Variants in SCFD2 observed in about 807,000 individuals in gnomAD.
The protein encoded by SCFD2 is sec1 family domain containing 2.
Under a neutral mutation model 58.9 loss-of-function variants are expected in SCFD2, and 54 were observed. That is an observed-to-expected ratio of 0.92 (90% CI 0.74 to 1.15). The LOEUF is 1.15. Ranked by LOEUF, SCFD2 falls within the 50% of genes most tolerant of loss-of-function variation. SCFD2 has a pLI of 0.00. For missense variants in SCFD2, 805 were observed against 836.6 expected (o/e 0.96, Z 0.47); for synonymous variants, 321 against 335.9 (o/e 0.96, Z 0.49).
In SCFD2 at chr4:53,077,858, G is replaced by A. The variant is rs112679384; in HGVS notation, c.1561+67475C>T. On this transcript the variant is annotated intron_variant, in intron 5 of 8. Transcript: ENST00000401642. ...TAACTTGCAGTAGATCACATAAGCT[G>A]TTGCTATTAGTTTACTGGATTTTAT... Among the ~76,000 whole-genome samples, 242 of 152,262 alleles carry A rather than the reference G, an allele frequency of 1.6e-3. 2 individuals are homozygous for A. Among genetic ancestry groups the A allele is most frequent in the African/African-American group, 5.4e-3 (225 of 41,542 alleles).
At chr4:52,878,107 C>T (rs769098190) in intron 8 of SCFD2, among the ~76,000 whole-genome samples, 1 of 152,198 alleles carries the variant, frequency 6.6e-6, no homozygotes, top group Non-Finnish European at 1.5e-5. Flanking sequence ...CCACCCCTCC[C>T]GCAAGCCTGA....
chr4:53,302,466 G>A (rs1732346032), intron 3 of SCFD2, among the ~76,000 whole-genome samples: 3 of 152,138 alleles, frequency 2.0e-5, no homozygotes, highest in Non-Finnish European at 2.9e-5. Context: ...CAAACAAATG[G>A]AAGAACATTC....
chr4:53,103,889 ATATGAGCT>A, intron 5 of SCFD2, among the ~76,000 whole-genome samples: 2 of 142,362 alleles, frequency 1.4e-5, no homozygotes, highest in African/African-American at 2.7e-5. Flanking sequence ...AGCTGGAACA[ATATGAGCT>A]AAAAAAAAAA....
chr4:52,909,134 T>C (rs1156739733), intron 6 of SCFD2, among the ~76,000 whole-genome samples: 1 of 152,218 alleles, frequency 6.6e-6, no homozygotes, highest in Non-Finnish European at 1.5e-5. Flanking sequence ...TTACCATCAA[T>C]GCAGAGAGCA....
intron 3 of SCFD2, among the ~76,000 whole-genome samples, chr4:53,302,590 GAAA>G (rs1732351744): frequency 6.6e-6 from 1 of 151,778 alleles, no homozygotes; most frequent in African/African-American, 2.4e-5. Context: ...CACAGAATTG[GAAA>G]AAACTACTTT....
chr4:52,964,543 T>C (rs1428552035), intron 5 of SCFD2, among the ~76,000 whole-genome samples: 1 of 152,096 alleles, frequency 6.6e-6, no homozygotes, highest in East Asian at 1.9e-4. Flanking sequence ...ATTCTAGGAG[T>C]TGCAGGCTAA....
chr4:53,088,818 T>C (rs993616123), intron 5 of SCFD2, among the ~76,000 whole-genome samples: 1 of 151,974 alleles, frequency 6.6e-6, no homozygotes, highest in Non-Finnish European at 1.5e-5. Flanking sequence ...AAAACATAAA[T>C]TTTGGGAGGC....
At chr4:53,264,235 A>G (rs556261727) in intron 4 of SCFD2, among the ~76,000 whole-genome samples, 1 of 152,306 alleles carries the variant, frequency 6.6e-6, no homozygotes, top group Non-Finnish European at 1.5e-5. Context: ...CTCTCCACTG[A>G]GAAAGCAAGC....
intron 5 of SCFD2, among the ~76,000 whole-genome samples, chr4:52,944,585 G>A (rs1451778381): frequency 6.6e-6 from 1 of 152,186 alleles, no homozygotes; most frequent in Admixed American, 6.6e-5. Flanking sequence ...AATTACCTAT[G>A]TCTGTTGTTC....
intron 2 of SCFD2, among the ~76,000 whole-genome samples, chr4:53,331,922 C>T (rs1458504248): frequency 6.6e-6 from 1 of 152,118 alleles, no homozygotes; most frequent in African/African-American, 2.4e-5. Context: ...GATATCACCA[C>T]CAATCCCACA....
intron 4 of SCFD2, among the ~76,000 whole-genome samples, chr4:53,170,035 T>C (rs1727133702): frequency 6.6e-6 from 1 of 152,208 alleles, no homozygotes; most frequent in Non-Finnish European, 1.5e-5. Context: ...CTTTTTTAAT[T>C]TGATGTAATC....
At chr4:53,102,374 A>T (rs1038090948) in intron 5 of SCFD2, among the ~76,000 whole-genome samples, 2 of 152,148 alleles carry the variant, frequency 1.3e-5, no homozygotes, top group African/African-American at 4.8e-5. Flanking sequence ...GTGACTAAAA[A>T]TCCAGATGCA....
rs988471777 is a variant in SCFD2, at chr4:52,930,713, T to G, written c.1562-9843A>C. ...TAAATAAGGGAAGTGTGGAGAACTA[T>G]AAAAATATCATGATACTGTATCACA... On this transcript the variant is annotated intron_variant, in intron 5 of 8. Transcript: ENST00000401642. Among the ~76,000 whole-genome samples the G allele has an allele frequency of 2.6e-5, 4 of 152,198 alleles. No individual in the cohort carries two copies. The East Asian group carries it at 7.7e-4, about 29-fold the overall frequency.
intron 6 of SCFD2, among the ~76,000 whole-genome samples, chr4:52,912,655 T>A (rs910412030): frequency 2.0e-5 from 3 of 152,162 alleles, no homozygotes; most frequent in Non-Finnish European, 4.4e-5. Flanking sequence ...ATAAAAAAAA[T>A]TTCCAGTTAA....
At chr4:53,036,560 G>A (rs1722765359) in intron 5 of SCFD2, among the ~76,000 whole-genome samples, 1 of 151,002 alleles carries the variant, frequency 6.6e-6, no homozygotes, top group Non-Finnish European at 1.5e-5. Context: ...GGATGAAGCT[G>A]GAAACCATCA....
rs541428901 is a variant in SCFD2 at position 52,965,386 on chromosome 4, A to T, written c.1562-44516T>A. ...TCAGTTCCTCTGGCACCCCTAACCA[A>T]TGCCCATTTCCCCCAGCGGCTGAGC... On this transcript the variant is annotated intron_variant, in intron 5 of 8. Transcript: ENST00000401642. Among the ~76,000 whole-genome samples the T allele has an allele frequency of 2.0e-5, 3 of 152,058 alleles. No homozygotes were observed. In the South Asian group the frequency reaches 6.3e-4, roughly 32 times the overall value.
chr4:53,358,388 A>G, intron 1 of SCFD2, among the ~76,000 whole-genome samples: 1 of 151,996 alleles, frequency 6.6e-6, no homozygotes, highest in East Asian at 1.9e-4. Flanking sequence ...CAAAACAAAA[A>G]AATACAAAAA....
intron 4 of SCFD2, among the ~76,000 whole-genome samples, chr4:53,212,134 C>T (rs1459439088): frequency 6.6e-6 from 1 of 152,098 alleles, no homozygotes; most frequent in African/African-American, 2.4e-5. Flanking sequence ...CATGGCACCT[C>T]TATTCCTTCT....
chr4:53,137,533 A>T (rs1725978725), intron 5 of SCFD2, among the ~76,000 whole-genome samples: 2 of 152,230 alleles, frequency 1.3e-5, no homozygotes, highest in African/African-American at 4.8e-5. Context: ...TGATAGTCCC[A>T]AATTATCAAC....
Sources: gnomAD v4.1 joint callset for allele counts (sites outside exome capture counted in the v4.1 genomes callset) on GRCh38, gnomAD v4.1.1 for gene constraint, MANE v1.5 for transcripts, NCBI Gene and HGNC (gene_info 2026-07-23, HGNC 2026-07-21) for gene names.